Variants in CDH19 observed in about 807,000 individuals in gnomAD.
CDH19 encodes cadherin 19, also known as cadherin-19.
CDH19 carries 67 observed loss-of-function variants against 64.2 expected under a neutral mutation model. The observed-to-expected ratio is 1.04, with a 90% CI of 0.86 to 1.28. CDH19 has a LOEUF of 1.28. Ranked by LOEUF, CDH19 falls within the 50% of genes most tolerant of loss-of-function variation. The pLI is 0.00. For missense variants in CDH19, 1,030 were observed against 929.0 expected, an observed-to-expected ratio of 1.11 and a Z score of -1.41; for synonymous variants, 346 against 319.3, an observed-to-expected ratio of 1.08 and a Z score of -0.89.
chr18:66,551,035 T>C (rs1372991107), intron 5 of CDH19, 59 bp downstream of exon 5: 1 of 914,652 alleles, frequency 1.1e-6, no homozygotes, highest in African/African-American at 1.7e-5. Context: ...TATAATCTAC[T>C]TATATTTAAC....
chr18:66,534,391 G>C (rs1986576279), intron 8 of CDH19, among the ~76,000 whole-genome samples: 1 of 151,836 alleles, frequency 6.6e-6, no homozygotes, highest in Non-Finnish European at 1.5e-5. Flanking sequence ...AAGGAAAAGA[G>C]AGATATCTGC....
At position 66,523,619 on chromosome 18, in the gene CDH19, G is replaced by T. The variant is rs568420518; in HGVS notation, c.1458+6226C>A. 4.0e-5 allele frequency among the ~76,000 whole-genome samples: 6 copies of T among 151,754 alleles called. No individual in the cohort carries two copies. In the South Asian group the frequency reaches 1.3e-3, roughly 32 times the overall value. On this transcript the variant is annotated intron_variant, in intron 9 of 11. Transcript: ENST00000262150. ...ACAGTGTTTACACTCGGTGGGGGTG[G>T]GGGGGGAGTGGGTCTCAAGGCGGTT...
chr18:66,533,161 G>C (rs2144431423), intron 8 of CDH19, among the ~76,000 whole-genome samples: 1 of 151,518 alleles, frequency 6.6e-6, no homozygotes, highest in South Asian at 2.1e-4. Flanking sequence ...TTACAATTAA[G>C]ATAGAAATTG....
At chr18:66,542,340 T>A (rs969144917) in intron 7 of CDH19, among the ~76,000 whole-genome samples, 2 of 152,046 alleles carry the variant, frequency 1.3e-5, no homozygotes, top group Admixed American at 6.6e-5. Context: ...TGCAAGACCT[T>A]CACAGAGCCA....
intron 9 of CDH19, among the ~76,000 whole-genome samples, chr18:66,521,189 T>C (rs899382546): frequency 1.3e-5 from 2 of 152,160 alleles, no homozygotes; most frequent in Admixed American, 6.5e-5. Context: ...CTGGATCTGA[T>C]AAATTTTTTA....
At chr18:66,599,231 C>A (rs906175047) in intron 1 of CDH19, among the ~76,000 whole-genome samples, 1 of 151,792 alleles carries the variant, frequency 6.6e-6, no homozygotes, top group African/African-American at 2.4e-5. Flanking sequence ...GCTATTATTG[C>A]ATATTTTGGG....
intron 1 of CDH19, among the ~76,000 whole-genome samples, chr18:66,575,281 T>TG (rs1988233723): frequency 1.3e-5 from 2 of 151,556 alleles, no homozygotes; most frequent in Admixed American, 1.3e-4. Context: ...ATTGTCAGAG[T>TG]GGGAAACTGT....
At chr18:66,505,570 T>TAA (rs1491051016) in intron 11 of CDH19, among the ~76,000 whole-genome samples, 1 of 142,108 alleles carries the variant, frequency 7.0e-6, no homozygotes, top group African/African-American at 2.6e-5. Context: ...AATATATATA[T>TAA]AATATAATAT....
intron 10 of CDH19, among the ~76,000 whole-genome samples, chr18:66,509,749 C>G (rs552637156): frequency 4.6e-5 from 7 of 151,626 alleles, no homozygotes; most frequent in Non-Finnish European, 2.9e-5. Context: ...ATTATTTGTA[C>G]AAATCCAGGG....
chr18:66,511,829 A>G (rs1985506089), intron 9 of CDH19, 144 bp from the exon 10 acceptor site: 2 of 596,120 alleles, frequency 3.4e-6, no homozygotes, highest in African/African-American at 2.0e-5. Context: ...TCAGTGGAGA[A>G]TATTAAAATG....
chr18:66,589,739 T>TA (rs1988688508), intron 1 of CDH19, among the ~76,000 whole-genome samples: 1 of 151,886 alleles, frequency 6.6e-6, no homozygotes, highest in Non-Finnish European at 1.5e-5. Flanking sequence ...AAAAGAAAAC[T>TA]AAAGTCATGC....
intron 9 of CDH19, among the ~76,000 whole-genome samples, chr18:66,517,809 G>T (rs1219188481): frequency 6.6e-6 from 1 of 151,722 alleles, no homozygotes; most frequent in Non-Finnish European, 1.5e-5. Context: ...AGTATGTGAA[G>T]ATGATATTTT....
intron 11 of CDH19, among the ~76,000 whole-genome samples, chr18:66,507,678 AT>A (rs1369290185): frequency 1.3e-5 from 2 of 151,946 alleles, no homozygotes; most frequent in Admixed American, 6.6e-5. Context: ...TTTTACTGGG[AT>A]TTCTTTCTCT....
chr18:66,545,475 A>C (rs1293551648), intron 5 of CDH19, among the ~76,000 whole-genome samples: 1 of 148,806 alleles, frequency 6.7e-6, no homozygotes, highest in Non-Finnish European at 1.5e-5. Flanking sequence ...TTTTTGAAAT[A>C]TAAATATTTT....
chr18:66,535,802 A>C (rs2144445424), intron 7 of CDH19, among the ~76,000 whole-genome samples: 1 of 143,928 alleles, frequency 6.9e-6, no homozygotes, highest in South Asian at 2.2e-4. Flanking sequence ...ATGCATATAT[A>C]TGTAATATAT....
chr18:66,557,822 A>T (rs1391563193), intron 3 of CDH19, among the ~76,000 whole-genome samples: 1 of 151,786 alleles, frequency 6.6e-6, no homozygotes. Context: ...ATGTATATAT[A>T]CACACATATA....
intron 5 of CDH19, 76 bp from the exon 6 acceptor site, chr18:66,544,979 T>C (rs1987052464): frequency 8.7e-7 from 1 of 1,147,090 alleles, no homozygotes; most frequent in Non-Finnish European, 1.2e-6. Context: ...TTTTGTTTGT[T>C]TGTTTGTTTG....
At chr18:66,556,512 CA>C (rs1357938673) in intron 3 of CDH19, among the ~76,000 whole-genome samples, 4 of 151,836 alleles carry the variant, frequency 2.6e-5, no homozygotes, top group African/African-American at 7.2e-5. Flanking sequence ...TAAATAAGAT[CA>C]TGCAATATTT....
chr18:66,530,097 G>A, intron 8 of CDH19, 131 bp from the exon 9 acceptor site: 1 of 393,252 alleles, frequency 2.5e-6, no homozygotes, highest in Non-Finnish European at 4.6e-6. Context: ...CTGAGGACAG[G>A]ATATCTATAT....
Sources: allele counts gnomAD v4.1 joint callset (sites outside exome capture counted in the v4.1 genomes callset), GRCh38; gene constraint gnomAD v4.1.1; transcripts MANE v1.5; gene names NCBI Gene and HGNC (gene_info 2026-07-23, HGNC 2026-07-21).